The following GJC3 variants were observed in gnomAD, a reference collection of about 807,000 sequenced individuals.
GJC3 encodes the protein gap junction gamma-3 protein.
Under a neutral mutation model 19.8 loss-of-function variants are expected in GJC3, and 17 were observed. That is an observed-to-expected ratio of 0.86 (90% CI 0.59 to 1.29). The LOEUF (loss-of-function observed/expected upper bound fraction) is 1.29. Ranked by LOEUF, GJC3 falls within the 50% of genes most tolerant of loss-of-function variation. GJC3 has a pLI of 0.00. For missense variants in GJC3, 317 were observed against 332.5 expected, an observed-to-expected ratio of 0.95 and a Z score of 0.36; for synonymous variants, 140 against 136.5, an observed-to-expected ratio of 1.03 and a Z score of -0.18.
chr7:99,925,180 T>G (rs2115576270), intron 1 of GJC3, among the ~76,000 whole-genome samples: 1 of 152,244 alleles, frequency 6.6e-6, no homozygotes, highest in African/African-American at 2.4e-5. Flanking sequence ...GCTGAAGGCT[T>G]GAGGTGATAA....
chr7:99,927,270 G>T (rs1204702322), intron 1 of GJC3, among the ~76,000 whole-genome samples: 2 of 152,232 alleles, frequency 1.3e-5, no homozygotes, highest in South Asian at 4.1e-4. Context: ...ACAGCCTTAG[G>T]TTCCCTTCCT....
intron 1 of GJC3, among the ~76,000 whole-genome samples, chr7:99,928,266 A>G (rs1819839166): frequency 6.6e-6 from 1 of 152,256 alleles, no homozygotes; most frequent in African/African-American, 2.4e-5. Flanking sequence ...GACACAGTTT[A>G]GGGAGGCTTC....
rs1819850125 is a variant in GJC3, at chr7:99,928,971, C to T, written c.650G>A (p.Arg217Lys). 1 of 1,614,076 alleles carries T rather than the reference C, an allele frequency of 6.2e-7. No individual in the cohort carries two copies. Among genetic ancestry groups the T allele is most frequent in the South Asian group, 1.1e-5 (1 of 91,086 alleles). ...TTTGTGCTTCCAGGTCCTCCACCAT[C>T]TCCCCAAACCCAGAAGCACAAGCTC... ...FLELVLLGLG[R>K]WWRTWKHKSS... Residue 217 changes from arginine (R) to lysine (K), a missense_variant, in exon 1 of 2, where the codon AGA becomes AAA. By Grantham distance (26) the Arg-to-Lys change is conservative. Transcript: ENST00000312891.
rs1819857469 is a variant in GJC3 at position 99,929,238 on chromosome 7, G to A, written c.383C>T (p.Ala128Val). The change falls in exon 1 of 2, where the codon GCT becomes GTT. Residue 128 changes from alanine (A) to valine (V), a missense_variant. Coordinates refer to ENST00000312891, the MANE Select transcript of GJC3 (RefSeq NM_181538.3). ...GREGNTDVPG[A>V]GSLRLLWAYV... Reference sequence around the variant, plus strand: ...AGCCCAGAGCAGCCTGAGGCTTCCAGCCCCTGGGACATCTGTGTTGCCCTC... The same window carrying A: ...AGCCCAGAGCAGCCTGAGGCTTCCAACCCCTGGGACATCTGTGTTGCCCTC... 6.2e-7 allele frequency: 1 copy of A among 1,614,060 alleles called. No homozygotes were observed. Among genetic ancestry groups the A allele is most frequent in the African/African-American group, 1.3e-5 (1 of 74,924 alleles).
At chr7:99,925,602 G>T (rs960994611) in intron 1 of GJC3, among the ~76,000 whole-genome samples, 13 of 152,114 alleles carry the variant, frequency 8.5e-5, no homozygotes, top group African/African-American at 3.1e-4. Context: ...GACAATCATA[G>T]AATGGGAGAA....
intron 1 of GJC3, among the ~76,000 whole-genome samples, chr7:99,924,306 T>C (rs1819747711): frequency 6.6e-6 from 1 of 152,148 alleles, no homozygotes; most frequent in African/African-American, 2.4e-5. Flanking sequence ...AAGGGAGTAG[T>C]TGGTGGGCAC....
At chr7:99,927,234 A>C (rs1287909533) in intron 1 of GJC3, among the ~76,000 whole-genome samples, 2 of 152,206 alleles carry the variant, frequency 1.3e-5, no homozygotes, top group Non-Finnish European at 2.9e-5. Flanking sequence ...TTTCCTTTCA[A>C]TTTAGTCCTA....
In GJC3 at chr7:99,929,598, C is replaced by G; in HGVS notation, c.23G>C (p.Arg8Pro). The G allele has an allele frequency of 3.7e-6, 6 of 1,609,312 alleles. No homozygotes were observed. Among genetic ancestry groups the G allele is most frequent in the Non-Finnish European group, 5.1e-6 (6 of 1,179,404 alleles). Residue 8 changes from arginine to proline, a missense_variant, in exon 1 of 2, where the codon CGG (arginine) becomes CCG (proline). Physicochemically the swap from Arg to Pro is moderately radical, Grantham distance 103. Transcript: ENST00000312891. ...GCGCCGGCTCTCCTCCGCCAGCAGC[C>G]GCCGCAGGAACCTGCCACACATCCT... MCGRFLRRLLAEESRRST... is the reference protein window; with the variant it reads MCGRFLRPLLAEESRRST...
intron 1 of GJC3, among the ~76,000 whole-genome samples, chr7:99,927,392 T>C (rs992735316): frequency 6.6e-6 from 1 of 152,206 alleles, no homozygotes; most frequent in Non-Finnish European, 1.5e-5. Flanking sequence ...TTCCAAATGA[T>C]GCTATTTGCG....
chr7:99,929,280 G>A lies in GJC3; in HGVS notation c.341C>T (p.Thr114Ile). ...ELSGKGKEEE[T>I]LIQGREGNTD... ...GTTGCCCTCCCGTCCCTGGATCAGG[G>A]TCTCCTCCTCCTTCCCCTTTCCTGA... is the stretch of plus-strand genomic sequence containing the variant. Residue 114 changes from threonine to isoleucine, a missense_variant, in exon 1 of 2, where the codon ACC becomes ATC. Transcript: ENST00000312891. The A allele has an allele frequency of 9.3e-6, 15 of 1,614,144 alleles. No homozygotes were observed. Among genetic ancestry groups the A allele is most frequent in the Non-Finnish European group, 1.3e-5 (15 of 1,180,024 alleles).
rs1302600040 is a variant in GJC3 at position 99,929,002 on chromosome 7, A to C, written c.619T>G (p.Phe207Val). The C allele has an allele frequency of 6.2e-7, 1 of 1,614,194 alleles. No individual in the cohort carries two copies. Among genetic ancestry groups the C allele is most frequent in the Admixed American group, 1.7e-5 (1 of 60,026 alleles). The stretch of plus-strand genomic sequence containing the variant: ...AAACCCAGAAGCACAAGCTCCAAAA[A>C]AGTAAACAAGAGACAGAAACCGCTG... ...GVSGFCLLFT[F>V]LELVLLGLGR... Residue 207 changes from phenylalanine to valine, a missense_variant, in exon 1 of 2, where the codon TTT becomes GTT. By Grantham distance (50) the Phe-to-Val change is conservative. Transcript: ENST00000312891.
chr7:99,924,192 C>T (rs1256545257), intron 1 of GJC3, among the ~76,000 whole-genome samples: 4 of 152,186 alleles, frequency 2.6e-5, no homozygotes, highest in Admixed American at 1.3e-4. Flanking sequence ...CTTGATCACC[C>T]GGCTGAGGTA....
upstream of GJC3, among the ~76,000 whole-genome samples, chr7:99,930,238 G>C (rs1307272157): frequency 6.6e-6 from 1 of 152,214 alleles, no homozygotes; most frequent in East Asian, 1.9e-4. Context: ...TGGATGAAAT[G>C]AACAGAGCAA....
intron 1 of GJC3, among the ~76,000 whole-genome samples, chr7:99,926,981 G>A (rs1191309586): frequency 1.3e-5 from 2 of 152,228 alleles, no homozygotes; most frequent in Non-Finnish European, 2.9e-5. Context: ...CAAGGGCACG[G>A]ATACACAATC....
upstream of GJC3, chr7:99,929,622 C>T: frequency 2.5e-6 from 4 of 1,602,360 alleles, no homozygotes; most frequent in South Asian, 4.4e-5. Context: ...GCCACACATC[C>T]TGTTTTGGAG....
chr7:99,929,383 G>T lies in GJC3; in HGVS notation c.238C>A (p.Gln80Lys). ...CTGGGTACAGCCACCAAGATGACCT[G>T]GAAGACCCAGAAACGCAGCGGGGAG... ...PLSPLRFWVFQVILVAVPSAL... is the reference protein window; with the variant it reads ...PLSPLRFWVFKVILVAVPSAL... Residue 80 changes from glutamine to lysine, a missense_variant, in exon 1 of 2, where the codon CAG becomes AAG. Coordinates refer to ENST00000312891, the MANE Select transcript of GJC3 (RefSeq NM_181538.3). 6.2e-7 allele frequency: 1 copy of T among 1,614,172 alleles called. No homozygotes were observed. The highest frequency in any genetic ancestry group is 8.5e-7 in the Non-Finnish European group (1 of 1,180,030).
At chr7:99,928,251 G>A (rs757060309) in intron 1 of GJC3, among the ~76,000 whole-genome samples, 21 of 152,218 alleles carry the variant, frequency 1.4e-4, no homozygotes, top group South Asian at 8.3e-4. Flanking sequence ...GCAGGACAGG[G>A]GAGAGACACA....
At chr7:99,925,632 T>C (rs1031544283) in intron 1 of GJC3, among the ~76,000 whole-genome samples, 1 of 152,196 alleles carries the variant, frequency 6.6e-6, no homozygotes, top group African/African-American at 2.4e-5. Context: ...AAATCATACA[T>C]ACAATAAGTA....
At chr7:99,924,844 G>A (rs534732603) in intron 1 of GJC3, among the ~76,000 whole-genome samples, 1 of 152,250 alleles carries the variant, frequency 6.6e-6, no homozygotes, top group Admixed American at 6.5e-5. Context: ...TGGGGAAGAG[G>A]GAGTAGCACT....
Sources: gnomAD v4.1 joint callset for allele counts (sites outside exome capture counted in the v4.1 genomes callset) on GRCh38, gnomAD v4.1.1 for gene constraint, MANE v1.5 for transcripts, NCBI Gene and HGNC (gene_info 2026-07-23, HGNC 2026-07-21) for gene names.